The following HECW2 variants were observed in gnomAD, a reference collection of about 807,000 sequenced individuals.
HECW2 encodes HECT, C2 and WW domain containing E3 ubiquitin protein ligase 2.
A neutral mutation model predicts 175.2 loss-of-function variants in HECW2; 61 were observed. The ratio of observed to expected loss-of-function variants is 0.35; its 90% CI spans 0.28 to 0.43. The LOEUF (loss-of-function observed/expected upper bound fraction) is 0.43. Ranked by LOEUF, HECW2 falls within the 20% of genes least tolerant of loss-of-function variation. The pLI is 1.00. For missense variants in HECW2, 1,524 were observed against 2,000.5 expected (o/e 0.76, Z 4.54); for synonymous variants, 671 against 731.0 (o/e 0.92, Z 1.32).
At position 196,260,860 on chromosome 2, in the gene HECW2, A is replaced by T. The variant is rs574562841; in HGVS notation, c.3336-2954T>A. ...CTTGGTCTACTAGAAATTTGCATAC[A>T]TAAGCTCAAGCTCTGCAAGAATTTT... On this transcript the variant is annotated intron_variant, in intron 17 of 28. Transcript: ENST00000644978. 5.9e-5 allele frequency among the ~76,000 whole-genome samples: 9 copies of T among 152,382 alleles called. No homozygotes were observed. The South Asian group carries it at 1.9e-3, about 32-fold the overall frequency.
chr2:196,329,538 C>T, intron 5 of HECW2, 37 bp downstream of exon 5: 1 of 1,547,686 alleles, frequency 6.5e-7, no homozygotes, highest in Non-Finnish European at 8.9e-7. Context: ...AAACTGTACA[C>T]TTTCAAACTG....
intron 1 of HECW2, among the ~76,000 whole-genome samples, chr2:196,536,940 C>T (rs1689040855): frequency 6.6e-6 from 1 of 152,186 alleles, no homozygotes; most frequent in African/African-American, 2.4e-5. Flanking sequence ...AAATCACTCA[C>T]ATCTCACAGC....
intron 17 of HECW2, among the ~76,000 whole-genome samples, chr2:196,259,360 G>A (rs560974306): frequency 6.6e-6 from 1 of 152,148 alleles, no homozygotes. Flanking sequence ...GGAAGGCAAG[G>A]TTTCATGTTC....
At chr2:196,454,356 A>G (rs1696440195) in intron 1 of HECW2, among the ~76,000 whole-genome samples, 1 of 152,234 alleles carries the variant, frequency 6.6e-6, no homozygotes, top group South Asian at 2.1e-4. Flanking sequence ...GGGCATTCAT[A>G]TTAATAAACA....
intron 1 of HECW2, among the ~76,000 whole-genome samples, chr2:196,513,372 G>T (rs957067659): frequency 6.6e-6 from 1 of 152,122 alleles, no homozygotes; most frequent in Non-Finnish European, 1.5e-5. Context: ...AGCTGGGCAC[G>T]TTGGCACATG....
At chr2:196,435,600 T>C (rs1302055361) in intron 1 of HECW2, among the ~76,000 whole-genome samples, 1 of 152,254 alleles carries the variant, frequency 6.6e-6, no homozygotes, top group Non-Finnish European at 1.5e-5. Context: ...AACATGTATG[T>C]ATGCCCACAT....
chr2:196,225,667 T>G, intron 23 of HECW2, 105 bp downstream of exon 23: 1 of 684,576 alleles, frequency 1.5e-6, no homozygotes, highest in Non-Finnish European at 2.6e-6. Context: ...ACAACAAATT[T>G]GAGATTGTGA....
chr2:196,526,823 C>G (rs907172593), intron 1 of HECW2, among the ~76,000 whole-genome samples: 2 of 152,112 alleles, frequency 1.3e-5, no homozygotes, highest in African/African-American at 2.4e-5. Context: ...CTTGAGGAGG[C>G]AGTCTGCCAG....
intron 28 of HECW2, among the ~76,000 whole-genome samples, chr2:196,211,175 T>A (rs1687270140): frequency 6.6e-6 from 1 of 152,124 alleles, no homozygotes; most frequent in Non-Finnish European, 1.5e-5. Flanking sequence ...TCTCAGGTCC[T>A]CCGTCCCATC....
At chr2:196,478,238 A>C (rs1352755811) in intron 1 of HECW2, among the ~76,000 whole-genome samples, 2 of 152,228 alleles carry the variant, frequency 1.3e-5, no homozygotes, top group Non-Finnish European at 2.9e-5. Context: ...CTTCAGGCCA[A>C]GAAGGGACCT....
At chr2:196,402,803 A>ATT (rs369586280) in intron 2 of HECW2, among the ~76,000 whole-genome samples, 15,260 of 123,594 alleles carry the variant, frequency 0.12, 1,549 homozygotes, top group African/African-American at 0.18. Context: ...TGCCTTGGGA[A>ATT]TTTTTTTTTT....
chr2:196,198,050 C>G lies in HECW2; in HGVS notation c.*3227G>C, dbSNP rs1686744590. On this transcript the variant is annotated 3_prime_UTR_variant, in exon 29 of 29. Coordinates refer to ENST00000644978, the MANE Select transcript of HECW2 (RefSeq NM_001348768.2). ...GACCAAGATCCATTCATTTTGTGCACAAGAAAAATGTTTTGACCCCAGAAG... is the reference window on the plus strand; with the variant it reads ...GACCAAGATCCATTCATTTTGTGCAGAAGAAAAATGTTTTGACCCCAGAAG... 6.6e-6 allele frequency: 1 copy of G among 152,062 alleles called. No individual in the cohort carries two copies. Among genetic ancestry groups the G allele is most frequent in the Non-Finnish European group, 1.5e-5 (1 of 68,008 alleles). The allele number at this position is 152,062 out of a possible 1,614,324, so 9.4% of individuals were successfully genotyped here. A position where few individuals can be genotyped will look rare whatever the true frequency, so the allele number is the denominator to read the frequency against.
At chr2:196,237,234 G>T (rs867758710) in intron 21 of HECW2, among the ~76,000 whole-genome samples, 1 of 152,108 alleles carries the variant, frequency 6.6e-6, no homozygotes, top group Non-Finnish European at 1.5e-5. Flanking sequence ...AACAGGTGGT[G>T]TTTGGTTATA....
At chr2:196,442,745 C>T (rs1696077117) in intron 1 of HECW2, among the ~76,000 whole-genome samples, 1 of 151,994 alleles carries the variant, frequency 6.6e-6, no homozygotes, top group Non-Finnish European at 1.5e-5. Flanking sequence ...AAAGAGTATA[C>T]TTTTTCAAGT....
At chr2:196,300,866 C>CT (rs56333864) in intron 13 of HECW2, among the ~76,000 whole-genome samples, 138,253 of 150,872 alleles carry the variant, frequency 0.92, 63,691 homozygotes, top group East Asian at 0.98. Context: ...ATCAGTTGCT[C>CT]TTTTTTTTTC....
At chr2:196,330,583 A>G (rs1302563878) in intron 4 of HECW2, among the ~76,000 whole-genome samples, 1 of 152,122 alleles carries the variant, frequency 6.6e-6, no homozygotes, top group East Asian at 1.9e-4. Context: ...GTTTTAGCAA[A>G]ATCCCTGGTA....
chr2:196,331,170 G>C, intron 4 of HECW2: 2 of 985,388 alleles, frequency 2.0e-6, no homozygotes, highest in South Asian at 9.4e-5. Context: ...CAACACACCA[G>C]GGTCCATCCA....
intron 1 of HECW2, among the ~76,000 whole-genome samples, chr2:196,555,978 A>G (rs899605576): frequency 2.0e-5 from 3 of 152,122 alleles, no homozygotes; most frequent in Admixed American, 2.0e-4. Context: ...TTCAACTACA[A>G]TCTTCCATCA....
At chr2:196,252,433 G>C (rs4850689) in intron 19 of HECW2, among the ~76,000 whole-genome samples, 83,154 of 151,856 alleles carry the variant, frequency 0.55, 26,086 homozygotes, top group Non-Finnish European at 0.7. Context: ...AGGGCCTTGT[G>C]GGGGGTGTTT....
Sources: gnomAD v4.1 joint callset for allele counts (sites outside exome capture counted in the v4.1 genomes callset) on GRCh38, gnomAD v4.1.1 for gene constraint, MANE v1.5 for transcripts, NCBI Gene and HGNC (gene_info 2026-07-23, HGNC 2026-07-21) for gene names.